RSPO1: variants seen among roughly 807,000 people sequenced by gnomAD.
RSPO1 encodes the protein R-spondin 1.
In RSPO1, 18 loss-of-function variants were observed where a neutral mutation model predicts 26.0. That is an observed-to-expected ratio of 0.69 (90% CI 0.48 to 1.03). RSPO1 has a LOEUF of 1.03. RSPO1 is among the 50% of genes least tolerant of loss of function. The pLI, the probability that RSPO1 is intolerant of heterozygous loss-of-function variation, is 0.00. For synonymous variants in RSPO1, 133 were observed against 137.4 expected, an observed-to-expected ratio of 0.97 and a Z score of 0.22; for missense variants, 309 against 352.3, an observed-to-expected ratio of 0.88 and a Z score of 0.98.
Position 37,616,592 on chromosome 1 carries a change from G to T in RSPO1, c.178C>A (p.Leu60Met). The change falls in exon 4 of 7, where the codon CTG becomes ATG. Residue 60 changes from leucine (L) to methionine (M), a missense_variant. Transcript: ENST00000356545. Reference sequence around the variant, plus strand: ...TCGTTCCTCTCCAGCAGGATGAACAGCTTGGGTGAGCACTTGAGGCAGCCG... The same window carrying T: ...TCGTTCCTCTCCAGCAGGATGAACATCTTGGGTGAGCACTTGAGGCAGCCG... ...VNGCLKCSPKLFILLERNDIR... is the reference protein window; with the variant it reads ...VNGCLKCSPKMFILLERNDIR... 1 of 1,614,186 alleles carries T rather than the reference G, an allele frequency of 6.2e-7. No individual in the cohort carries two copies.
At chr1:37,631,556 A>G (rs989784110) in intron 2 of RSPO1, among the ~76,000 whole-genome samples, 42 of 152,352 alleles carry the variant, frequency 2.8e-4, no homozygotes, top group African/African-American at 9.9e-4. Flanking sequence ...AGTCACGGGC[A>G]TAAACTTCAG....
intron 4 of RSPO1, 24 bp downstream of exon 4, chr1:37,616,460 C>A (rs777497705): frequency 6.2e-7 from 1 of 1,612,096 alleles, no homozygotes; most frequent in Non-Finnish European, 8.5e-7. Context: ...GCCCCCTGCC[C>A]CCGACAGCCC....
Position 37,612,702 on chromosome 1 carries a change from C to A in RSPO1, c.*53G>T. The A allele has an allele frequency of 6.3e-7, 1 of 1,580,864 alleles. No individual in the cohort carries two copies. The highest frequency in any genetic ancestry group is 1.1e-5 in the South Asian group (1 of 90,738). On this transcript the variant is annotated 3_prime_UTR_variant, in exon 7 of 7. Coordinates refer to ENST00000356545, the MANE Select transcript of RSPO1 (RefSeq NM_001242908.2). ...TTCCAGTTCAGGAAAGCTTGAATCA[C>A]GCAGAGTAGCACTGAACTCTTTCTG... is the stretch of plus-strand genomic sequence containing the variant.
chr1:37,634,106 C>T lies in RSPO1; in HGVS notation c.-356+460G>A, dbSNP rs1480356183. Among the ~76,000 whole-genome samples, 1 of 152,134 alleles carries T rather than the reference C, an allele frequency of 6.6e-6. No individual in the cohort carries two copies. The highest frequency in any genetic ancestry group is 1.5e-5 in the Non-Finnish European group (1 of 68,022). ...GGAGCCGCGCCACTTCGCTGCGCAC[C>T]GGGGGCCGCAGCGCATGCCGCCTGC... On this transcript the variant is annotated intron_variant, in intron 1 of 6. Coordinates refer to ENST00000356545, the MANE Select transcript of RSPO1 (RefSeq NM_001242908.2). The surrounding 1 kb of genome is among the most constrained non-coding windows in gnomAD (Gnocchi z 4.7).
chr1:37,625,732 GTAA>G (rs1644265963), intron 3 of RSPO1, among the ~76,000 whole-genome samples: 2 of 150,994 alleles, frequency 1.3e-5, no homozygotes, highest in Admixed American at 6.6e-5. Flanking sequence ...AAGCTGGAGT[GTAA>G]TGGCACAATC....
At position 37,614,325 on chromosome 1, in the gene RSPO1, T is replaced by C. The variant is rs374064562; in HGVS notation, c.295A>G (p.Ile99Val). The C allele has an allele frequency of 5.6e-6, 9 of 1,613,670 alleles. No homozygotes were observed. The highest frequency in any genetic ancestry group is 1.8e-4 in the Middle Eastern group (1 of 5,668). ...PDMNKCIKCKIEHCEACFSHN... is the reference protein window; with the variant it reads ...PDMNKCIKCKVEHCEACFSHN... ...CTGAAGCAGGCCTCACAGTGCTCGA[T>C]CTTGCATTCTGAGGAGAGGACAGAT... Residue 99 changes from isoleucine (I) to valine (V), a missense_variant, in exon 5 of 7, where the codon ATC becomes GTC. Physicochemically the swap from Ile to Val is conservative, Grantham distance 29. Transcript: ENST00000356545.
At chr1:37,617,688 A>G (rs112689750) in intron 3 of RSPO1, among the ~76,000 whole-genome samples, 24,148 of 135,828 alleles carry the variant, frequency 0.18, 1,937 homozygotes, top group Non-Finnish European at 0.21. Flanking sequence ...AAAAAAAAAA[A>G]AGAGAGAACC....
intron 4 of RSPO1, 149 bp from the exon 5 acceptor site, chr1:37,614,482 T>A: frequency 1.1e-6 from 1 of 886,256 alleles, no homozygotes; most frequent in Non-Finnish European, 1.8e-6. Flanking sequence ...CAGAGGAATC[T>A]TGGGAGGAAA....
intron 3 of RSPO1, among the ~76,000 whole-genome samples, chr1:37,627,176 C>T (rs1456937153): frequency 6.6e-6 from 1 of 152,106 alleles, no homozygotes; most frequent in Non-Finnish European, 1.5e-5. Context: ...GAGTCAACAA[C>T]CCTGAGGCTC....
At chr1:37,631,467 T>C (rs562856744) in intron 2 of RSPO1, among the ~76,000 whole-genome samples, 1 of 152,312 alleles carries the variant, frequency 6.6e-6, no homozygotes, top group East Asian at 1.9e-4. Flanking sequence ...CCACAGATTA[T>C]AGATGTCCAG....
rs569563081 is a variant in RSPO1, at chr1:37,613,470, G to A, written c.625+234C>T. On this transcript the variant is annotated intron_variant, in intron 6 of 6. Transcript: ENST00000356545. The surrounding 1 kb of genome is among the most constrained non-coding windows in gnomAD (Gnocchi z 4.5). ...CTAGCTCAGAAGAAATGGGGGAACC[G>A]GAAGGATGTTGACCACAGAAGCTTC... Among the ~76,000 whole-genome samples, 4 of 152,336 alleles carry A rather than the reference G, an allele frequency of 2.6e-5. No individual in the cohort carries two copies. The highest frequency in any genetic ancestry group is 2.1e-4 in the South Asian group (1 of 4,830).
chr1:37,615,124 C>T (rs769192302), intron 4 of RSPO1, among the ~76,000 whole-genome samples: 14 of 152,148 alleles, frequency 9.2e-5, no homozygotes, highest in Non-Finnish European at 1.9e-4. Context: ...TTCCTAGGAG[C>T]TGGTGTAGCC....
Position 37,612,780 on chromosome 1 carries a change from G to A in RSPO1, c.767C>T (p.Pro256Leu). 3 of 1,611,964 alleles carry A rather than the reference G, an allele frequency of 1.9e-6. No homozygotes were observed. The highest frequency in any genetic ancestry group is 2.5e-6 in the Non-Finnish European group (3 of 1,180,000). Reference protein sequence around the residue: ...QQQQQQGTVGPLTSAGPA With the variant: ...QQQQQQGTVGLLTSAGPA Reference sequence around the variant, plus strand: ...CTAGGCAGGCCCTGCAGATGTGAGTGGCCCCACTGTCCCTTGCTGCTGCTG... The same window carrying A: ...CTAGGCAGGCCCTGCAGATGTGAGTAGCCCCACTGTCCCTTGCTGCTGCTG... Residue 256 changes from proline (P) to leucine (L), a missense_variant, in exon 7 of 7, where the codon CCA becomes CTA. Physicochemically the swap from Pro to Leu is moderately conservative, Grantham distance 98. Transcript: ENST00000356545.
chr1:37,620,412 G>T (rs1238071148), intron 3 of RSPO1, among the ~76,000 whole-genome samples: 1 of 152,022 alleles, frequency 6.6e-6, no homozygotes, highest in Non-Finnish European at 1.5e-5. Context: ...ACTTTGGGAA[G>T]CTGAGGTGAG....
intron 3 of RSPO1, among the ~76,000 whole-genome samples, chr1:37,628,719 G>A (rs962551229): frequency 6.6e-6 from 1 of 152,212 alleles, no homozygotes; most frequent in African/African-American, 2.4e-5. Context: ...GCTAGGGACA[G>A]ATTACCCTTG....
At chr1:37,633,451 C>CAGA (rs1047497815) in intron 1 of RSPO1, among the ~76,000 whole-genome samples, 1 of 152,306 alleles carries the variant, frequency 6.6e-6, no homozygotes, top group African/African-American at 2.4e-5. Flanking sequence ...GAGCTGAGGG[C>CAGA]AGAAACTCAG....
chr1:37,615,537 T>C (rs2148161464), intron 4 of RSPO1, among the ~76,000 whole-genome samples: 1 of 152,354 alleles, frequency 6.6e-6, no homozygotes, highest in Non-Finnish European at 1.5e-5. Flanking sequence ...CCTCCGGGCC[T>C]GAATGTTGTC....
chr1:37,628,259 G>A (rs941447125), intron 3 of RSPO1, among the ~76,000 whole-genome samples: 2 of 152,206 alleles, frequency 1.3e-5, no homozygotes, highest in Non-Finnish European at 2.9e-5. Context: ...TCTGGCCCAT[G>A]GAGTCCAAAA....
In RSPO1 at chr1:37,612,900, C is replaced by G. The variant is rs1644047883; in HGVS notation, c.647G>C (p.Gly216Ala). 6.2e-7 allele frequency: 1 copy of G among 1,614,096 alleles called. No homozygotes were observed. The highest frequency in any genetic ancestry group is 1.1e-5 in the South Asian group (1 of 91,088). The change falls in exon 7 of 7, where the codon GGC becomes GCC. Residue 216 changes from glycine (G) to alanine (A), a missense_variant. Transcript: ENST00000356545. ...GTTGGCATTCTCCCGCCGGCCCTGG[C>G]CTCCCTTCCTCCTCTTCTGCCCTGA... ...CPEGQKRRKG[G>A]QGRRENANRN...
Sources: allele counts gnomAD v4.1 joint callset (sites outside exome capture counted in the v4.1 genomes callset), GRCh38; gene constraint gnomAD v4.1.1; non-coding constraint Gnocchi (gnomAD v3.1); transcripts MANE v1.5; gene names NCBI Gene and HGNC (gene_info 2026-07-23, HGNC 2026-07-21).